The following CCDC7 variants were observed in gnomAD, a reference collection of about 807,000 sequenced individuals.
CCDC7 encodes coiled-coil domain containing 7.
CCDC7 carries 183 observed loss-of-function variants against 196.9 expected under a neutral mutation model. That is an observed-to-expected ratio of 0.93 (90% confidence interval 0.82 to 1.05). The LOEUF is 1.05. Among genes scored for constraint, CCDC7 ranks in the 50% least tolerant of loss-of-function variants. The pLI is 0.00. For missense variants in CCDC7, 1,540 were observed against 1,482.2 expected (o/e 1.04, Z -0.64); for synonymous variants, 525 against 484.6 (o/e 1.08, Z -1.10).
At chr10:32,575,349 T>C (rs1291080813) in intron 16 of CCDC7, among the ~76,000 whole-genome samples, 1 of 152,188 alleles carries the variant, frequency 6.6e-6, no homozygotes, top group African/African-American at 2.4e-5. Context: ...AAGGGGCATA[T>C]TACTAGTGAC....
intron 29 of CCDC7, among the ~76,000 whole-genome samples, chr10:32,797,586 G>C (rs2095556): frequency 0.088 from 13,064 of 148,746 alleles, 884 homozygotes; most frequent in South Asian, 0.26. Flanking sequence ...TCTGATGGGC[G>C]CACCAAAATC....
At chr10:32,639,871 C>T (rs185793755) in intron 20 of CCDC7, among the ~76,000 whole-genome samples, 1 of 152,130 alleles carries the variant, frequency 6.6e-6, no homozygotes, top group African/African-American at 2.4e-5. Context: ...CCTGCCTCGG[C>T]CTCCCAAATT....
chr10:32,698,192 G>T, intron 24 of CCDC7, among the ~76,000 whole-genome samples: 1 of 152,168 alleles, frequency 6.6e-6, no homozygotes, highest in Non-Finnish European at 1.5e-5. Flanking sequence ...AAACCCATTT[G>T]TAGGTCACCA....
intron 41 of CCDC7, among the ~76,000 whole-genome samples, chr10:32,869,694 T>G (rs1391821852): frequency 2.6e-5 from 4 of 152,190 alleles, no homozygotes; most frequent in Non-Finnish European, 4.4e-5. Context: ...TTTTATGGGT[T>G]TAGGTCTAAC....
rs144222392 is a variant in CCDC7, at chr10:32,766,858, C to T, written c.2906-12119C>T. On this transcript the variant is annotated intron_variant, in intron 28 of 41. Transcript: ENST00000639629. ...ACATTACCTTCTCTCTCCCAGCCTA[C>T]TCTCTTCAGTACCCCTTTCAGCAAT... 2.0e-4 allele frequency among the ~76,000 whole-genome samples: 30 copies of T among 152,246 alleles called. No homozygotes were observed. The East Asian group carries it at 5.6e-3, about 28-fold the overall frequency.
At chr10:32,471,065 T>C in exon 6 of CCDC7, 5 of 1,582,044 alleles carry the variant, frequency 3.2e-6, no homozygotes, top group Non-Finnish European at 4.3e-6. Flanking sequence ...TTATTTTAGA[T>C]AAGTAAAGAT....
At position 32,660,746 on chromosome 10, in the gene CCDC7, T is replaced by C. The variant is rs547737332; in HGVS notation, c.2015-3308T>C. On this transcript the variant is annotated intron_variant, in intron 20 of 41. Coordinates refer to ENST00000639629, the Ensembl canonical transcript of CCDC7. ...GGGAAAGGATTCCCTATTTAATAAA[T>C]GGTGCTGGGAAAACTGGCTAGCCAT... Among the ~76,000 whole-genome samples the C allele has an allele frequency of 5.3e-5, 8 of 152,092 alleles. No individual in the cohort carries two copies. The South Asian group carries it at 1.5e-3, about 28-fold the overall frequency.
At chr10:32,736,777 C>T (rs900579463) in intron 28 of CCDC7, among the ~76,000 whole-genome samples, 2 of 152,004 alleles carry the variant, frequency 1.3e-5, no homozygotes, top group Non-Finnish European at 2.9e-5. Context: ...ATCTAGCAAC[C>T]TTGCTATAAT....
At chr10:32,819,258 A>G (rs2089603807) in intron 31 of CCDC7, among the ~76,000 whole-genome samples, 1 of 152,228 alleles carries the variant, frequency 6.6e-6, no homozygotes, top group South Asian at 2.1e-4. Flanking sequence ...TCCCAAGACC[A>G]AACCAGGAAG....
upstream of CCDC7, among the ~76,000 whole-genome samples, chr10:32,449,478 G>T (rs2032410484): frequency 6.6e-6 from 1 of 152,116 alleles, no homozygotes; most frequent in East Asian, 1.9e-4. Flanking sequence ...GAGCCAATGC[G>T]CCTGGCCTAT....
chr10:32,449,123 G>A (rs2032272792), upstream of CCDC7, among the ~76,000 whole-genome samples: 1 of 151,890 alleles, frequency 6.6e-6, no homozygotes, highest in African/African-American at 2.4e-5. Context: ...GTGTGTTTAT[G>A]TATTTTTAGT....
At chr10:32,833,819 T>G (rs2092402462) in intron 32 of CCDC7, among the ~76,000 whole-genome samples, 1 of 152,104 alleles carries the variant, frequency 6.6e-6, no homozygotes, top group South Asian at 2.1e-4. Context: ...ATGGGTCATT[T>G]GCAGCTTTAA....
At chr10:32,649,097 G>T (rs1453555878) in intron 20 of CCDC7, among the ~76,000 whole-genome samples, 1 of 152,180 alleles carries the variant, frequency 6.6e-6, no homozygotes, top group Non-Finnish European at 1.5e-5. Flanking sequence ...TTCTAAGTGA[G>T]AGCTGATGGA....
chr10:32,638,382 C>T (rs571969861), intron 20 of CCDC7, among the ~76,000 whole-genome samples: 46 of 152,196 alleles, frequency 3.0e-4, no homozygotes, highest in African/African-American at 1.1e-3. Flanking sequence ...ATAAATAGCT[C>T]TTATTATTTT....
At chr10:32,592,598 G>A (rs1482895471) in intron 18 of CCDC7, among the ~76,000 whole-genome samples, 3 of 151,808 alleles carry the variant, frequency 2.0e-5, no homozygotes, top group East Asian at 1.9e-4. Flanking sequence ...TGTGCATAAC[G>A]TGCCAGTTTG....
chr10:32,468,283 C>G (rs2133845391), intron 5 of CCDC7, among the ~76,000 whole-genome samples: 1 of 152,144 alleles, frequency 6.6e-6, no homozygotes, highest in East Asian at 1.9e-4. Context: ...TTGTAGTTCC[C>G]CTTGTAGAGA....
chr10:32,710,372 C>T (rs2080622474), intron 24 of CCDC7, among the ~76,000 whole-genome samples: 1 of 152,218 alleles, frequency 6.6e-6, no homozygotes, highest in Non-Finnish European at 1.5e-5. Flanking sequence ...TGATGCAAAT[C>T]AGCTCGCAGG....
chr10:32,449,053 T>C (rs2032250718), upstream of CCDC7, among the ~76,000 whole-genome samples: 1 of 152,138 alleles, frequency 6.6e-6, no homozygotes, highest in Non-Finnish European at 1.5e-5. Context: ...TTTTAATATC[T>C]TCACTTGGGT....
At chr10:32,697,709 G>A (rs2077955740) in intron 24 of CCDC7, among the ~76,000 whole-genome samples, 1 of 152,196 alleles carries the variant, frequency 6.6e-6, no homozygotes. Context: ...AGCTCAACAA[G>A]GCCTGCCTGC....
Sources: allele counts gnomAD v4.1 joint callset (sites outside exome capture counted in the v4.1 genomes callset), GRCh38; gene constraint gnomAD v4.1.1; transcripts MANE v1.5; gene names NCBI Gene and HGNC (gene_info 2026-07-23, HGNC 2026-07-21).